Variants in LBHD2 observed in about 807,000 individuals in gnomAD.
The protein encoded by LBHD2 is LBH domain containing 2, also known as LBH domain-containing protein 2.
At chr14:103,085,198 C>G (rs1302492206) in intron 1 of LBHD2, among the ~76,000 whole-genome samples, 2 of 152,170 alleles carry the variant, frequency 1.3e-5, no homozygotes, top group Non-Finnish European at 1.5e-5. Context: ...CTCTGCTCTC[C>G]CACTGCCTTG....
intron 1 of LBHD2, among the ~76,000 whole-genome samples, 186 bp from the exon 2 acceptor site, chr14:103,085,790 C>A (rs1365256711): frequency 6.6e-6 from 1 of 152,226 alleles, no homozygotes; most frequent in African/African-American, 2.4e-5. Context: ...GCACACTGTG[C>A]GGCCAGGGTC....
At chr14:103,085,554 C>T (rs918299654) in intron 1 of LBHD2, among the ~76,000 whole-genome samples, 7 of 152,218 alleles carry the variant, frequency 4.6e-5, no homozygotes, top group Non-Finnish European at 1.0e-4. Context: ...GCACCTTGGC[C>T]TCTGGCTGAC....
At chr14:103,084,988 C>T (rs1319710118) in intron 1 of LBHD2, among the ~76,000 whole-genome samples, 2 of 152,184 alleles carry the variant, frequency 1.3e-5, no homozygotes, top group Non-Finnish European at 2.9e-5. Flanking sequence ...GGCTTCACTG[C>T]CCGCTGCCCC....
chr14:103,088,383 G>T, intron 3 of LBHD2, 142 bp downstream of exon 3: 2 of 397,596 alleles, frequency 5.0e-6, no homozygotes, highest in Non-Finnish European at 8.9e-6. Flanking sequence ...GCCCGCCTTG[G>T]AGTCTCTGCC....
Position 103,086,231 on chromosome 14 carries a change from A to G in LBHD2, c.69+150A>G, listed in dbSNP as rs1479947196. 1.8e-5 allele frequency: 7 copies of G among 393,164 alleles called. No homozygotes were observed. The Admixed American group carries it at 2.2e-4, about 12-fold the overall frequency. 24.4% of individuals were successfully genotyped at this position (393,164 alleles called of 1,614,324 possible). A position where few individuals can be genotyped will look rare whatever the true frequency, so the allele number is the denominator to read the frequency against. ...TTATTTATTTATTTATTTATTTTTG[A>G]CACAGAGTCTTGCTCTGTTGCCCAG... On this transcript the variant is annotated intron_variant, in intron 2 of 3. Transcript: ENST00000634353.
At chr14:103,089,087 G>A (rs877498) in intron 3 of LBHD2, among the ~76,000 whole-genome samples, 3,160 of 152,328 alleles carry the variant, frequency 0.021, 37 homozygotes, top group Middle Eastern at 0.024. Context: ...AGGCTGGGCT[G>A]TGGGGGCCTT....
rs140433649 is a variant in LBHD2, at chr14:103,085,735, A to G, written c.-37-241A>G. On this transcript the variant is annotated intron_variant, in intron 1 of 3. Transcript: ENST00000634353. The stretch of plus-strand genomic sequence containing the variant: ...GGCCTCAGATCAGCAGACTTCTTCC[A>G]GGAAGCCTTCCCAGGTCTCCCCTCC... 1.4e-3 allele frequency among the ~76,000 whole-genome samples: 212 copies of G among 152,298 alleles called. 2 individuals are homozygous for G. In the Middle Eastern group the frequency reaches 0.02, roughly 15 times the overall value.
intron 1 of LBHD2, among the ~76,000 whole-genome samples, chr14:103,085,344 G>T (rs528012404): frequency 1.6e-4 from 24 of 152,342 alleles, no homozygotes; most frequent in African/African-American, 5.5e-4. Flanking sequence ...GCAGGTGAAG[G>T]GTCTGGCTGG....
In LBHD2 at chr14:103,086,023, C is replaced by A; in HGVS notation, c.11C>A (p.Pro4His). The A allele has an allele frequency of 2.5e-6, 1 of 398,686 alleles. No homozygotes were observed. The allele number at this position is 398,686 out of a possible 1,614,324, so 24.7% of individuals were successfully genotyped here. A position where few individuals can be genotyped will look rare whatever the true frequency, so the allele number is the denominator to read the frequency against. ...AGTGGCGGCAGCAGCATGAGCACCCCCCGGCCTGCTCCACCACAGCCAGGC... is the reference window on the plus strand; with the variant it reads ...AGTGGCGGCAGCAGCATGAGCACCCACCGGCCTGCTCCACCACAGCCAGGC... The part of the protein sequence containing the change: MST[P>H]RPAPPQPGAA... Residue 4 changes from proline (P) to histidine (H), a missense_variant, in exon 2 of 4, where the codon CCC becomes CAC. Pro to His is a moderately conservative substitution (Grantham distance 77). Coordinates refer to ENST00000634353, the MANE Select transcript of LBHD2 (RefSeq NM_001330236.2).
chr14:103,086,693 G>A (rs1889639162), intron 2 of LBHD2, among the ~76,000 whole-genome samples: 1 of 151,678 alleles, frequency 6.6e-6, no homozygotes, highest in Admixed American at 6.6e-5. Context: ...CAGGGGATGG[G>A]GAGGTGCTGA....
Position 103,086,091 on chromosome 14 carries a change from C to T in LBHD2, c.69+10C>T, listed in dbSNP as rs949697908. ...AGGCCCAGAAGGGAAGGTATGCGCT[C>T]GGGACCCTGGGGGGGTCGGGAGGGA... is the stretch of plus-strand genomic sequence containing the variant. On this transcript the variant is annotated intron_variant, in intron 2 of 3. Coordinates refer to ENST00000634353, the MANE Select transcript of LBHD2 (RefSeq NM_001330236.2). 3.4e-5 allele frequency: 13 copies of T among 386,124 alleles called. No individual in the cohort carries two copies. The highest frequency in any genetic ancestry group is 2.4e-4 in the Admixed American group (5 of 21,224). The allele number at this position is 386,124 out of a possible 1,614,324, so 23.9% of individuals were successfully genotyped here.
At chr14:103,088,679 C>T (rs539198434) in intron 3 of LBHD2, among the ~76,000 whole-genome samples, 88 of 152,304 alleles carry the variant, frequency 5.8e-4, no homozygotes, top group African/African-American at 1.7e-3. Flanking sequence ...GGCTCCATCC[C>T]GCTGCAGGTG....
intron 3 of LBHD2, among the ~76,000 whole-genome samples, chr14:103,089,472 C>T (rs1472843690): frequency 6.6e-5 from 10 of 152,174 alleles, no homozygotes; most frequent in Admixed American, 6.5e-4. Flanking sequence ...CTTCCCTTCC[C>T]TCTGCCACCC....
intron 2 of LBHD2, among the ~76,000 whole-genome samples, chr14:103,087,066 C>A (rs1290225757): frequency 1.3e-5 from 2 of 152,264 alleles, no homozygotes; most frequent in African/African-American, 2.4e-5. Flanking sequence ...GCAATGCCAG[C>A]ATGAGGGTGG....
chr14:103,085,474 C>T (rs749468097), intron 1 of LBHD2, among the ~76,000 whole-genome samples: 28 of 152,348 alleles, frequency 1.8e-4, no homozygotes, highest in Non-Finnish European at 3.8e-4. Flanking sequence ...GACTTCATTT[C>T]CCCCTGGGCT....
intron 2 of LBHD2, among the ~76,000 whole-genome samples, chr14:103,086,312 A>G (rs535962139): frequency 5.1e-4 from 77 of 152,276 alleles, no homozygotes; most frequent in African/African-American, 1.7e-3. Context: ...CCGGGGTTCA[A>G]GCAATTCTCC....
chr14:103,085,414 C>A (rs532996579), intron 1 of LBHD2, among the ~76,000 whole-genome samples: 9 of 152,028 alleles, frequency 5.9e-5, no homozygotes, highest in Admixed American at 5.9e-4. Context: ...TCCAGTGGGG[C>A]TCCCCCTGCT....
At chr14:103,086,728 C>T (rs138648522) in intron 2 of LBHD2, among the ~76,000 whole-genome samples, 1 of 151,642 alleles carries the variant, frequency 6.6e-6, no homozygotes, top group Admixed American at 6.6e-5. Flanking sequence ...AAAAAACAAG[C>T]TCCCTACACA....
intron 3 of LBHD2, among the ~76,000 whole-genome samples, chr14:103,089,076 C>T (rs995861931): frequency 6.6e-6 from 1 of 152,204 alleles, no homozygotes; most frequent in Admixed American, 6.5e-5. Flanking sequence ...GGAGAGGCAG[C>T]AGGCTGGGCT....
Sources: allele counts gnomAD v4.1 joint callset (sites outside exome capture counted in the v4.1 genomes callset), GRCh38; gene constraint gnomAD v4.1.1; transcripts MANE v1.5; gene names NCBI Gene and HGNC (gene_info 2026-07-23, HGNC 2026-07-21).